The following GLIS3 variants were observed in gnomAD, a reference collection of about 807,000 sequenced individuals.
GLIS3 encodes the protein GLIS family zinc finger 3.
Under a neutral mutation model 78.6 loss-of-function variants are expected in GLIS3, and 53 were observed. The ratio of observed to expected loss-of-function variants is 0.67; its 90% CI spans 0.54 to 0.85. The LOEUF is 0.85. Among genes scored for constraint, GLIS3 ranks in the 40% least tolerant of loss-of-function variants. GLIS3 has a pLI of 0.00. For synonymous variants in GLIS3, 684 were observed against 509.9 expected (o/e 1.34, Z -4.60); for missense variants, 1,703 against 1,231.1 (o/e 1.38, Z -5.74).
the GLIS3 span, among the ~76,000 whole-genome samples, chr9:4,451,359 G>C: frequency 6.6e-6 from 1 of 152,264 alleles, no homozygotes; most frequent in Non-Finnish European, 1.5e-5. Context: ...CCAGTCCTTA[G>C]AGACCTACAA....
At chr9:4,315,200 G>C (rs566461119) in intron 2 of GLIS3, among the ~76,000 whole-genome samples, 1 of 152,256 alleles carries the variant, frequency 6.6e-6, no homozygotes, top group South Asian at 2.1e-4. Context: ...ATGTGTCCCA[G>C]ATGCATTTCC....
the GLIS3 span, among the ~76,000 whole-genome samples, chr9:4,379,192 C>T: frequency 2.0e-5 from 3 of 152,090 alleles, no homozygotes; most frequent in Non-Finnish European, 4.4e-5. Flanking sequence ...TTCTCCTATC[C>T]AGCCTGTCAC....
At chr9:4,032,963 G>GTGAT (rs1823976118) in intron 4 of GLIS3, among the ~76,000 whole-genome samples, 2 of 151,794 alleles carry the variant, frequency 1.3e-5, no homozygotes, top group Admixed American at 1.3e-4. Flanking sequence ...ACACCATTCT[G>GTGAT]CTGCCTCAGC....
At chr9:4,282,567 G>A (rs1827655525) in intron 2 of GLIS3, among the ~76,000 whole-genome samples, 1 of 151,988 alleles carries the variant, frequency 6.6e-6, no homozygotes, top group Non-Finnish European at 1.5e-5. Flanking sequence ...CTTGAGCCTG[G>A]CAGCCTTCAG....
At chr9:3,942,064 G>C (rs1815965458) in intron 4 of GLIS3, among the ~76,000 whole-genome samples, 1 of 152,090 alleles carries the variant, frequency 6.6e-6, no homozygotes, top group African/African-American at 2.4e-5. Context: ...CAATAATTAA[G>C]TAGAATATTA....
intron 4 of GLIS3, among the ~76,000 whole-genome samples, chr9:4,107,313 C>A (rs894488107): frequency 2.0e-5 from 3 of 152,154 alleles, no homozygotes; most frequent in Non-Finnish European, 4.4e-5. Flanking sequence ...AGGAAGACCA[C>A]TCTTTTTCCA....
In GLIS3 at chr9:3,909,335, G is replaced by C. The variant is rs968749690; in HGVS notation, c.1984-10500C>G. ...CATCTCTAGGGGATTCCTTAGCACT[G>C]ACATGTAGGAAGTGGCTTTGGCATA... is the stretch of plus-strand genomic sequence containing the variant. On this transcript the variant is annotated intron_variant, in intron 6 of 10. Coordinates refer to ENST00000381971, the MANE Select transcript of GLIS3 (RefSeq NM_001042413.2). Among the ~76,000 whole-genome samples, 5 of 152,200 alleles carry C rather than the reference G, an allele frequency of 3.3e-5. No individual in the cohort carries two copies. The East Asian group carries it at 9.6e-4, about 29-fold the overall frequency.
intron 3 of GLIS3, among the ~76,000 whole-genome samples, chr9:4,120,514 A>G (rs1832094877): frequency 6.6e-6 from 1 of 152,122 alleles, no homozygotes; most frequent in Non-Finnish European, 1.5e-5. Context: ...TTCCCAGCAC[A>G]CTTGCAGCAT....
At chr9:3,852,669 C>T (rs1455256474) in intron 9 of GLIS3, among the ~76,000 whole-genome samples, 1 of 152,224 alleles carries the variant, frequency 6.6e-6, no homozygotes, top group African/African-American at 2.4e-5. Context: ...TCCAGAAAAA[C>T]AATTTCAGAA....
At chr9:4,151,851 T>C (rs148652624) in intron 2 of GLIS3, among the ~76,000 whole-genome samples, 65 of 152,310 alleles carry the variant, frequency 4.3e-4, no homozygotes, top group African/African-American at 1.6e-3. Context: ...AGAGAACCTT[T>C]GGAAGGCGAC....
intron 2 of GLIS3, among the ~76,000 whole-genome samples, chr9:4,199,137 A>G (rs1424548756): frequency 6.6e-6 from 1 of 152,194 alleles, no homozygotes; most frequent in Non-Finnish European, 1.5e-5. Flanking sequence ...CACAAATCCT[A>G]TAAAGCAATC....
rs530829520 is a variant in GLIS3, at chr9:3,968,222, G to A, written c.1711-31033C>T. The stretch of plus-strand genomic sequence containing the variant: ...ATCATGTAGCAGGAGCAGAATGATC[G>A]TCAGCAGGAAGCCTCACCTTTAATG... On this transcript the variant is annotated intron_variant, in intron 4 of 10. Transcript: ENST00000381971. Among the ~76,000 whole-genome samples the A allele has an allele frequency of 2.5e-4, 38 of 152,250 alleles. 2 individuals are homozygous for A. Among genetic ancestry groups the A allele is most frequent in the Middle Eastern group, 3.4e-3 (1 of 294 alleles).
At chr9:3,929,766 G>C (rs994480338) in intron 6 of GLIS3, among the ~76,000 whole-genome samples, 1 of 152,060 alleles carries the variant, frequency 6.6e-6, no homozygotes, top group East Asian at 1.9e-4. Context: ...GAATTTTTAT[G>C]GTTATTTTTG....
At chr9:4,169,066 T>C (rs895619866) in intron 2 of GLIS3, among the ~76,000 whole-genome samples, 13 of 152,200 alleles carry the variant, frequency 8.5e-5, no homozygotes, top group African/African-American at 3.1e-4. Context: ...ATGAGGAAGA[T>C]GGGAGAGGTG....
At chr9:4,158,920 G>A (rs1228834792) in intron 2 of GLIS3, among the ~76,000 whole-genome samples, 2 of 151,482 alleles carry the variant, frequency 1.3e-5, no homozygotes, top group Non-Finnish European at 2.9e-5. Context: ...TGCAAATAGT[G>A]AGAAGAAACC....
At chr9:3,986,234 G>C (rs1819731104) in intron 4 of GLIS3, among the ~76,000 whole-genome samples, 1 of 152,182 alleles carries the variant, frequency 6.6e-6, no homozygotes, top group Non-Finnish European at 1.5e-5. Context: ...CTCGTGAGCA[G>C]AGAAGATGTA....
At chr9:4,460,820 C>A in the GLIS3 span, among the ~76,000 whole-genome samples, 1 of 152,110 alleles carries the variant, frequency 6.6e-6, no homozygotes, top group Non-Finnish European at 1.5e-5. Context: ...TATTTCAAAT[C>A]TGGAGTGTTT....
At chr9:4,297,430 C>T (rs74439248) in intron 1 of GLIS3, among the ~76,000 whole-genome samples, 1 of 152,184 alleles carries the variant, frequency 6.6e-6, no homozygotes, top group African/African-American at 2.4e-5. Context: ...AATAGTCTCT[C>T]CTCGAGATTC....
At chr9:4,179,234 A>C (rs780237600) in intron 2 of GLIS3, among the ~76,000 whole-genome samples, 3 of 152,252 alleles carry the variant, frequency 2.0e-5, no homozygotes, top group Non-Finnish European at 4.4e-5. Flanking sequence ...ATTTGAAAGC[A>C]CAGGGGCTAT....
Sources: gnomAD v4.1 joint callset for allele counts (sites outside exome capture counted in the v4.1 genomes callset) on GRCh38, gnomAD v4.1.1 for gene constraint, MANE v1.5 for transcripts, NCBI Gene and HGNC (gene_info 2026-07-23, HGNC 2026-07-21) for gene names.